Variants in CACNA1A observed in about 807,000 individuals in gnomAD.
CACNA1A encodes calcium voltage-gated channel subunit alpha1 A, also known as voltage-dependent P/Q-type calcium channel subunit alpha-1A.
Under a neutral mutation model 262.4 loss-of-function variants are expected in CACNA1A, and 57 were observed. The observed-to-expected ratio is 0.22, with a 90% CI of 0.18 to 0.27. The LOEUF is 0.27. CACNA1A is among the 10% of genes least tolerant of loss of function. CACNA1A has a pLI of 1.00. For synonymous variants in CACNA1A, 1,431 were observed against 1,419.3 expected, an observed-to-expected ratio of 1.01 and a Z score of -0.18; for missense variants, 2,526 against 3,562.8, an observed-to-expected ratio of 0.71 and a Z score of 7.41.
At chr19:13,420,836 T>C (rs1229254992) in intron 3 of CACNA1A, among the ~76,000 whole-genome samples, 1 of 152,106 alleles carries the variant, frequency 6.6e-6, no homozygotes, top group Non-Finnish European at 1.5e-5. Context: ...ATCAGATAGG[T>C]CCTGTTTGAC....
At chr19:13,371,894 G>A (rs1476296435) in intron 3 of CACNA1A, 115 bp from the exon 4 acceptor site, 3 of 745,630 alleles carry the variant, frequency 4.0e-6, no homozygotes. Context: ...CCACAGGCAG[G>A]TGACTCGACA....
At chr19:13,338,213 T>C (rs928357195) in intron 6 of CACNA1A, among the ~76,000 whole-genome samples, 1 of 150,548 alleles carries the variant, frequency 6.6e-6, no homozygotes, top group African/African-American at 2.5e-5. Flanking sequence ...AGACTTCGTC[T>C]CAAAAAAAAA....
intron 37 of CACNA1A, chr19:13,225,185 C>T (rs1013235161): frequency 8.2e-5 from 14 of 170,410 alleles, no homozygotes; most frequent in Non-Finnish European, 1.5e-4. Context: ...GGACCACAGC[C>T]GCTGGTGGGG....
intron 6 of CACNA1A, among the ~76,000 whole-genome samples, chr19:13,339,371 G>A (rs1003840125): frequency 3.9e-5 from 6 of 152,128 alleles, no homozygotes; most frequent in Admixed American, 3.9e-4. Context: ...CAAGGGCTGG[G>A]GGAGGGGGAA....
rs1027920835 is a variant in CACNA1A at position 13,299,161 on chromosome 19, C to T, written c.2472G>A (p.Val824=). The T allele has an allele frequency of 2.6e-5, 42 of 1,613,090 alleles. No individual in the cohort carries two copies. The highest frequency in any genetic ancestry group is 3.4e-5 in the Non-Finnish European group (40 of 1,179,894). Reference sequence around the variant, plus strand: ...TGTTGCGGTTCTCCTGCGGGTCCACCACCAGCGGCCGGTCCAAGTGCGTCT... The same window carrying T: ...TGTTGCGGTTCTCCTGCGGGTCCACTACCAGCGGCCGGTCCAAGTGCGTCT... The part of the protein sequence containing the change: ...DMKTHLDRPL[V]VDPQENRNNN... The change falls in exon 19 of 47, where the codon GTG becomes GTA. Residue 824 remains valine (V), a synonymous_variant. Coordinates refer to ENST00000360228, the MANE Select transcript of CACNA1A (RefSeq NM_001127222.2).
intron 3 of CACNA1A, among the ~76,000 whole-genome samples, chr19:13,401,289 C>T (rs2059896206): frequency 6.6e-6 from 1 of 152,248 alleles, no homozygotes; most frequent in South Asian, 2.1e-4. Context: ...AACTCTGCCA[C>T]TTCCTAGCTG....
chr19:13,335,988 C>T (rs1012975687), intron 6 of CACNA1A, 79 bp from the exon 7 acceptor site: 1 of 807,716 alleles, frequency 1.2e-6, no homozygotes, highest in East Asian at 2.7e-5. Flanking sequence ...GAAGGGGAAG[C>T]TCGGTTCTCT....
intron 24 of CACNA1A, among the ~76,000 whole-genome samples, chr19:13,266,961 G>A (rs2056877254): frequency 6.6e-6 from 1 of 152,182 alleles, no homozygotes; most frequent in South Asian, 2.1e-4. Flanking sequence ...AAGAACTGGT[G>A]GGGCATGGGC....
At chr19:13,210,765 G>T in intron 43 of CACNA1A, 113 bp from the exon 44 acceptor site, 2 of 1,054,960 alleles carry the variant, frequency 1.9e-6, no homozygotes, top group Non-Finnish European at 2.9e-6. Context: ...CCAAGGAGGG[G>T]AGTGGCACTG....
chr19:13,338,635 A>C (rs970066873), intron 6 of CACNA1A, among the ~76,000 whole-genome samples: 10 of 152,222 alleles, frequency 6.6e-5, no homozygotes, highest in Admixed American at 2.0e-4. Flanking sequence ...TCATTTATGC[A>C]AAATACAAAA....
intron 3 of CACNA1A, among the ~76,000 whole-genome samples, chr19:13,410,797 A>G (rs1222427547): frequency 6.6e-6 from 1 of 152,132 alleles, no homozygotes; most frequent in Non-Finnish European, 1.5e-5. Flanking sequence ...ATCAGTGGAC[A>G]TCATTGATCA....
At chr19:13,434,159 G>GTTA (rs932534756) in intron 3 of CACNA1A, among the ~76,000 whole-genome samples, 5 of 152,126 alleles carry the variant, frequency 3.3e-5, no homozygotes, top group Non-Finnish European at 7.4e-5. Flanking sequence ...TATTGTTGTT[G>GTTA]TTATTATTAT....
At chr19:13,349,054 A>AGAAAGAG (rs1228114583) in intron 6 of CACNA1A, among the ~76,000 whole-genome samples, 1 of 149,904 alleles carries the variant, frequency 6.7e-6, no homozygotes, top group Non-Finnish European at 1.5e-5. Flanking sequence ...AGAGGGAAAA[A>AGAAAGAG]GAAAGAGTCA....
chr19:13,374,481 C>T (rs960444819), intron 3 of CACNA1A, among the ~76,000 whole-genome samples: 2 of 152,134 alleles, frequency 1.3e-5, no homozygotes, highest in Non-Finnish European at 2.9e-5. Flanking sequence ...AACTCCTGGC[C>T]TCAAGTGATC....
At chr19:13,441,982 G>C (rs1269631539) in intron 3 of CACNA1A, among the ~76,000 whole-genome samples, 1 of 152,176 alleles carries the variant, frequency 6.6e-6, no homozygotes, top group East Asian at 1.9e-4. Flanking sequence ...CTGGCCATCT[G>C]GCCTTTACTC....
chr19:13,307,864 G>A lies in CACNA1A; in HGVS notation c.1914-10C>T. 6.2e-7 allele frequency: 1 copy of A among 1,612,694 alleles called. No individual in the cohort carries two copies. The highest frequency in any genetic ancestry group is 8.5e-7 in the Non-Finnish European group (1 of 1,178,716). On this transcript the variant is annotated splice_polypyrimidine_tract_variant and intron_variant, in intron 14 of 46. Coordinates refer to ENST00000360228, the MANE Select transcript of CACNA1A (RefSeq NM_001127222.2). ...TTCATCGAAATTAAACCTGCAGGGA[G>A]GACACAGACATTTCACGTTGGCCCC... is the stretch of plus-strand genomic sequence containing the variant.
intron 3 of CACNA1A, among the ~76,000 whole-genome samples, chr19:13,443,270 G>C (rs2060755160): frequency 6.6e-6 from 1 of 152,156 alleles, no homozygotes; most frequent in South Asian, 2.1e-4. Context: ...TAATGTCTTT[G>C]AGCCTCAGTT....
At chr19:13,391,945 G>A (rs1284588122) in intron 3 of CACNA1A, among the ~76,000 whole-genome samples, 2 of 150,846 alleles carry the variant, frequency 1.3e-5, no homozygotes, top group East Asian at 3.9e-4. Flanking sequence ...GCTGAGGTGG[G>A]AGAATCGCAT....
At chr19:13,268,495 A>G (rs1051408277) in intron 24 of CACNA1A, among the ~76,000 whole-genome samples, 11 of 150,582 alleles carry the variant, frequency 7.3e-5, no homozygotes, top group Admixed American at 2.0e-4. Flanking sequence ...GTGCAGTGGC[A>G]AGATCTCGGC....
Sources: allele counts gnomAD v4.1 joint callset (sites outside exome capture counted in the v4.1 genomes callset), GRCh38; gene constraint gnomAD v4.1.1; transcripts MANE v1.5; gene names NCBI Gene and HGNC (gene_info 2026-07-23, HGNC 2026-07-21).